ROBO2: variants seen among roughly 807,000 people sequenced by gnomAD.
ROBO2 encodes the protein roundabout homolog 2.
In ROBO2, 53 loss-of-function variants were observed where a neutral mutation model predicts 160.8. That is an observed-to-expected ratio of 0.33 (90% CI 0.26 to 0.41). The LOEUF (loss-of-function observed/expected upper bound fraction) is 0.41, where lower values mean the gene tolerates loss of function less well. Ranked by LOEUF, ROBO2 falls within the 10% of genes least tolerant of loss-of-function variation. The probability of loss-of-function intolerance (pLI) is 1.00; values close to 1 mark genes in which losing one functional copy is unlikely to be tolerated. For synonymous variants in ROBO2, 664 were observed against 611.7 expected (o/e 1.09, Z -1.26); for missense variants, 1,577 against 1,722.4 (o/e 0.92, Z 1.49).
intron 2 of ROBO2, among the ~76,000 whole-genome samples, chr3:77,182,476 C>A (rs2080879009): frequency 6.6e-6 from 1 of 151,994 alleles, no homozygotes; most frequent in South Asian, 2.1e-4. Flanking sequence ...AAGGAGGGAG[C>A]AATTAATTCT....
chr3:77,010,841 C>T (rs1268011747), intron 2 of ROBO2, among the ~76,000 whole-genome samples: 10 of 66,786 alleles, frequency 1.5e-4, no homozygotes, highest in African/African-American at 1.9e-4. Context: ...TTCCTCCCTC[C>T]CTCCCTCCCT....
At chr3:77,513,477 T>C (rs554193600) in intron 5 of ROBO2, among the ~76,000 whole-genome samples, 1 of 151,870 alleles carries the variant, frequency 6.6e-6, no homozygotes, top group Non-Finnish European at 1.5e-5. Context: ...ACATAGATTC[T>C]TTTATTTAAA....
At chr3:77,476,049 G>A (rs1403511702) in intron 2 of ROBO2, among the ~76,000 whole-genome samples, 1 of 152,032 alleles carries the variant, frequency 6.6e-6, no homozygotes, top group African/African-American at 2.4e-5. Flanking sequence ...TCTCATAAAG[G>A]GCCATGACTT....
At chr3:76,773,500 C>T (rs1390071491) in intron 2 of ROBO2, among the ~76,000 whole-genome samples, 1 of 150,776 alleles carries the variant, frequency 6.6e-6, no homozygotes, top group Non-Finnish European at 1.5e-5. Context: ...TAACATATGT[C>T]ATTCCTGAGT....
intron 2 of ROBO2, among the ~76,000 whole-genome samples, chr3:77,313,053 G>A (rs2063682209): frequency 6.6e-6 from 1 of 152,064 alleles, no homozygotes; most frequent in Admixed American, 6.6e-5. Flanking sequence ...TTTCTTATGT[G>A]GAAATGGTGT....
chr3:76,937,979 A>G (rs1239519734), intron 2 of ROBO2, among the ~76,000 whole-genome samples: 1 of 152,196 alleles, frequency 6.6e-6, no homozygotes. Flanking sequence ...CCAGCATGGC[A>G]CTGGGTGCAG....
chr3:77,452,394 A>G (rs1027531076), intron 2 of ROBO2, among the ~76,000 whole-genome samples: 1 of 152,162 alleles, frequency 6.6e-6, no homozygotes, highest in African/African-American at 2.4e-5. Context: ...TTCTGAGCAT[A>G]TATATAGTTA....
At chr3:76,217,272 A>G (rs1037567671) in intron 2 of ROBO2, among the ~76,000 whole-genome samples, 1 of 152,152 alleles carries the variant, frequency 6.6e-6, no homozygotes, top group African/African-American at 2.4e-5. Context: ...GCAAGAGCAA[A>G]CATATTCAAA....
At chr3:76,009,100 C>A (rs1261717438) in intron 2 of ROBO2, among the ~76,000 whole-genome samples, 3 of 151,994 alleles carry the variant, frequency 2.0e-5, no homozygotes, top group Non-Finnish European at 2.9e-5. Context: ...AGATCAGATT[C>A]TTTTCTCTTT....
intron 2 of ROBO2, among the ~76,000 whole-genome samples, chr3:77,126,072 CA>C (rs2075290118): frequency 6.6e-6 from 1 of 152,126 alleles, no homozygotes; most frequent in East Asian, 1.9e-4. Context: ...ACAATCAGTT[CA>C]AAAAATATTG....
intron 2 of ROBO2, among the ~76,000 whole-genome samples, chr3:76,491,537 G>A (rs756358611): frequency 4.6e-5 from 7 of 152,104 alleles, no homozygotes; most frequent in Non-Finnish European, 1.0e-4. Context: ...GTGCTGCCTG[G>A]CATATACTCT....
chr3:76,850,518 A>G (rs1321953385), intron 2 of ROBO2, among the ~76,000 whole-genome samples: 2 of 152,116 alleles, frequency 1.3e-5, no homozygotes, highest in African/African-American at 4.8e-5. Flanking sequence ...CCAAACTGAG[A>G]TATCTCTGAA....
intron 2 of ROBO2, among the ~76,000 whole-genome samples, chr3:77,409,412 G>C (rs977769889): frequency 1.3e-5 from 2 of 152,040 alleles, no homozygotes; most frequent in Admixed American, 6.6e-5. Flanking sequence ...CATTGTTTGG[G>C]TTATTTAGTG....
At chr3:77,322,086 C>A (rs1043650320) in intron 2 of ROBO2, among the ~76,000 whole-genome samples, 1 of 152,130 alleles carries the variant, frequency 6.6e-6, no homozygotes, top group Non-Finnish European at 1.5e-5. Flanking sequence ...TAAGCAGGCA[C>A]TGTTTTATAC....
At chr3:77,204,615 A>T (rs1451806607) in intron 2 of ROBO2, among the ~76,000 whole-genome samples, 3 of 152,170 alleles carry the variant, frequency 2.0e-5, no homozygotes, top group Non-Finnish European at 4.4e-5. Flanking sequence ...ACATAGAAAA[A>T]TAGTTAATAA....
At chr3:77,533,910 CTTCT>C (rs2091924059) in intron 6 of ROBO2, among the ~76,000 whole-genome samples, 1 of 151,266 alleles carries the variant, frequency 6.6e-6, no homozygotes, top group Non-Finnish European at 1.5e-5. Flanking sequence ...TCTGTCAATA[CTTCT>C]TTCTCCGCCT....
intron 2 of ROBO2, among the ~76,000 whole-genome samples, chr3:76,822,185 A>G (rs1035894001): frequency 1.3e-5 from 2 of 152,012 alleles, no homozygotes; most frequent in Non-Finnish European, 2.9e-5. Flanking sequence ...CTTTTGTAAA[A>G]TAATATTTGT....
intron 2 of ROBO2, among the ~76,000 whole-genome samples, chr3:76,750,805 C>A (rs565071125): frequency 6.6e-6 from 1 of 152,186 alleles, no homozygotes; most frequent in East Asian, 1.9e-4. Flanking sequence ...AGGACACAAA[C>A]AAATGGAAGA....
intron 2 of ROBO2, among the ~76,000 whole-genome samples, chr3:76,409,365 A>G (rs1451540347): frequency 6.6e-6 from 1 of 152,080 alleles, no homozygotes; most frequent in South Asian, 2.1e-4. Context: ...TGAAAGCCCC[A>G]TAAAGATAAT....
Sources: gnomAD v4.1 joint callset for allele counts (sites outside exome capture counted in the v4.1 genomes callset) on GRCh38, gnomAD v4.1.1 for gene constraint, MANE v1.5 for transcripts, NCBI Gene and HGNC (gene_info 2026-07-23, HGNC 2026-07-21) for gene names.